SEMA5A: variants seen among roughly 807,000 people sequenced by gnomAD.
SEMA5A encodes the protein semaphorin-5A.
A neutral mutation model predicts 135.5 loss-of-function variants in SEMA5A; 55 were observed. That is an observed-to-expected ratio of 0.41 (90% CI 0.33 to 0.51). SEMA5A has a LOEUF of 0.51. Ranked by LOEUF, SEMA5A falls within the 20% of genes least tolerant of loss-of-function variation. SEMA5A has a pLI of 0.37. For missense variants in SEMA5A, 1,290 were observed against 1,419.9 expected (o/e 0.91, Z 1.47); for synonymous variants, 580 against 546.5 (o/e 1.06, Z -0.85).
intron 1 of SEMA5A, chr5:9,498,602 T>C (rs935720458): frequency 1.3e-5 from 2 of 152,116 alleles, no homozygotes; most frequent in South Asian, 4.2e-4. Context: ...AGCGTACATT[T>C]CCCAGCCGAG....
intron 16 of SEMA5A, among the ~76,000 whole-genome samples, chr5:9,072,191 A>G (rs1737805606): frequency 6.6e-6 from 1 of 152,192 alleles, no homozygotes; most frequent in Admixed American, 6.5e-5. Flanking sequence ...AATGAAGGTC[A>G]GTGATCACTG....
chr5:9,186,169 T>G (rs1744797477), intron 11 of SEMA5A, among the ~76,000 whole-genome samples: 1 of 152,146 alleles, frequency 6.6e-6, no homozygotes, highest in Admixed American at 6.5e-5. Context: ...ACAGTCATGA[T>G]TCAGATAACA....
chr5:9,202,040 C>T lies in SEMA5A; in HGVS notation c.847G>A (p.Glu283Lys). 6.2e-7 allele frequency: 1 copy of T among 1,614,162 alleles called. No individual in the cohort carries two copies. The highest frequency in any genetic ancestry group is 8.5e-7 in the Non-Finnish European group (1 of 1,180,024). Residue 283 changes from glutamate (E) to lysine (K), a missense_variant, in exon 9 of 23, where the codon GAA (glutamate) becomes AAA (lysine). Around this residue, in one of 3 missense-constraint regions of SEMA5A, gnomAD observed 1,029 missense variants for 1,086.6 expected, o/e 0.95. Coordinates refer to ENST00000382496, the MANE Select transcript of SEMA5A (RefSeq NM_003966.3). ...AATTCGTTGTAGTAAAAGGGGACTT[C>T]CCCAGGACGGGAGCAGTTCAGGCGA... is the stretch of plus-strand genomic sequence containing the variant. ...KARLNCSRPG[E>K]VPFYYNELQS...
chr5:9,302,540 A>G (rs961364783), intron 5 of SEMA5A, among the ~76,000 whole-genome samples: 5 of 152,244 alleles, frequency 3.3e-5, no homozygotes, highest in African/African-American at 1.2e-4. Context: ...TCATGCTCTC[A>G]TTCATGTGTT....
chr5:9,377,669 G>T (rs1418113650), intron 3 of SEMA5A, among the ~76,000 whole-genome samples: 2 of 152,160 alleles, frequency 1.3e-5, no homozygotes, highest in Admixed American at 6.5e-5. Flanking sequence ...TAATTAGGTT[G>T]GTCAGCAGAG....
chr5:9,043,989 G>A lies in SEMA5A; in HGVS notation c.3105+384C>T, dbSNP rs547667317. 4.6e-5 allele frequency among the ~76,000 whole-genome samples: 7 copies of A among 152,320 alleles called. No individual in the cohort carries two copies. In the South Asian group the frequency reaches 1.5e-3, roughly 32 times the overall value. On this transcript the variant is annotated intron_variant, in intron 22 of 22. Coordinates refer to ENST00000382496, the MANE Select transcript of SEMA5A (RefSeq NM_003966.3). ...GGCTTCCTCCCTACTCTAGGAGCTA[G>A]TTTCTGAGAGGCCAGGAGGGGCGTG...
intron 16 of SEMA5A, among the ~76,000 whole-genome samples, chr5:9,104,064 T>C (rs1739774393): frequency 6.6e-6 from 1 of 152,224 alleles, no homozygotes; most frequent in South Asian, 2.1e-4. Context: ...TCACTTAACA[T>C]TGGGCAAATA....
chr5:9,253,762 G>C (rs1044411076), intron 5 of SEMA5A, among the ~76,000 whole-genome samples: 1 of 152,038 alleles, frequency 6.6e-6, no homozygotes, highest in Admixed American at 6.6e-5. Flanking sequence ...CCTGAATCTG[G>C]TTATTACCAA....
intron 1 of SEMA5A, among the ~76,000 whole-genome samples, chr5:9,507,488 G>A (rs1561307033): frequency 6.6e-6 from 1 of 152,200 alleles, no homozygotes. Context: ...ACACAGTACA[G>A]CTCTAAATGC....
intron 4 of SEMA5A, among the ~76,000 whole-genome samples, chr5:9,326,422 TTG>T (rs1200854989): frequency 6.6e-6 from 1 of 152,070 alleles, no homozygotes; most frequent in Admixed American, 6.5e-5. Flanking sequence ...AGCTAATTTT[TTG>T]TGTGTTTTTA....
intron 8 of SEMA5A, among the ~76,000 whole-genome samples, chr5:9,210,106 T>C (rs1746260612): frequency 6.6e-6 from 1 of 152,238 alleles, no homozygotes; most frequent in Non-Finnish European, 1.5e-5. Context: ...CCTTGACTCA[T>C]GTATATACAG....
chr5:9,149,916 G>T (rs1173002802), intron 12 of SEMA5A, among the ~76,000 whole-genome samples: 1 of 152,166 alleles, frequency 6.6e-6, no homozygotes, highest in Non-Finnish European at 1.5e-5. Context: ...TTCTGACTTC[G>T]CATTGGTGTT....
intron 2 of SEMA5A, among the ~76,000 whole-genome samples, chr5:9,401,100 T>C (rs566700472): frequency 6.6e-6 from 1 of 152,212 alleles, no homozygotes; most frequent in African/African-American, 2.4e-5. Context: ...ATTTCCATTC[T>C]TTTCCCAGAA....
intron 5 of SEMA5A, among the ~76,000 whole-genome samples, chr5:9,252,191 G>A (rs557323644): frequency 4.6e-5 from 7 of 152,222 alleles, no homozygotes; most frequent in South Asian, 2.1e-4. Flanking sequence ...GTGGGAAAGC[G>A]GGGAATGAAA....
chr5:9,484,451 C>A (rs1344508433), intron 1 of SEMA5A, among the ~76,000 whole-genome samples: 3 of 152,168 alleles, frequency 2.0e-5, no homozygotes, highest in African/African-American at 7.2e-5. Flanking sequence ...TCAACATCAA[C>A]CCCTTTGAAG....
chr5:9,226,438 C>A lies in SEMA5A; in HGVS notation c.432+431G>T, dbSNP rs975033251. Among the ~76,000 whole-genome samples, 7 of 151,342 alleles carry A rather than the reference C, an allele frequency of 4.6e-5. No homozygotes were observed. The South Asian group carries it at 1.5e-3, about 32-fold the overall frequency. ...TTCTTAGTTTGCTTATTTTTTTTTA[C>A]ATACTTCTTATCCAATTTGTAGGCT... is the stretch of plus-strand genomic sequence containing the variant. On this transcript the variant is annotated intron_variant, in intron 7 of 22. Transcript: ENST00000382496.
chr5:9,060,872 T>C (rs1293618393), intron 18 of SEMA5A, among the ~76,000 whole-genome samples: 1 of 152,204 alleles, frequency 6.6e-6, no homozygotes, highest in Non-Finnish European at 1.5e-5. Flanking sequence ...AGCCAGTTTC[T>C]TGATGTAAGA....
chr5:9,456,696 C>T (rs1758848863), intron 1 of SEMA5A, among the ~76,000 whole-genome samples: 1 of 152,040 alleles, frequency 6.6e-6, no homozygotes, highest in African/African-American at 2.4e-5. Context: ...AAGGCTGGAA[C>T]CACAAAAGCT....
chr5:9,117,104 A>G (rs1454846533), intron 15 of SEMA5A, among the ~76,000 whole-genome samples: 3 of 152,238 alleles, frequency 2.0e-5, no homozygotes, highest in Non-Finnish European at 4.4e-5. Flanking sequence ...TCTTCTTTAC[A>G]AAAGGAATAT....
Sources: gnomAD v4.1 joint callset for allele counts (sites outside exome capture counted in the v4.1 genomes callset) on GRCh38, gnomAD v4.1.1 for gene constraint, gnomAD v4.1.1 regional missense constraint, MANE v1.5 for transcripts, NCBI Gene and HGNC (gene_info 2026-07-23, HGNC 2026-07-21) for gene names.